Variants in NSUN2 observed in about 807,000 individuals in gnomAD.
The protein encoded by NSUN2 is RNA cytosine C(5)-methyltransferase NSUN2.
Under a neutral mutation model 92.7 loss-of-function variants are expected in NSUN2, and 63 were observed. That is an observed-to-expected ratio of 0.68 (90% CI 0.56 to 0.84). The LOEUF is 0.84. NSUN2 is among the 40% of genes least tolerant of loss of function. NSUN2 has a pLI of 0.00. For synonymous variants in NSUN2, 356 were observed against 348.3 expected (o/e 1.02, Z -0.25); for missense variants, 989 against 964.9 (o/e 1.02, Z -0.33).
intron 16 of NSUN2, 41 bp downstream of exon 16, chr5:6,604,564 C>A: frequency 6.4e-7 from 1 of 1,558,930 alleles, no homozygotes; most frequent in South Asian, 1.1e-5. Context: ...CTGCTTCAGT[C>A]ATCTGTGGCT....
intron 15 of NSUN2, 186 bp from the exon 16 acceptor site, chr5:6,604,871 A>T: frequency 1.6e-6 from 1 of 617,844 alleles, no homozygotes. Context: ...TTTGGAGGAC[A>T]GTAAAGCAAA....
At position 6,632,655 on chromosome 5, in the gene NSUN2, G is replaced by A; in HGVS notation, c.198C>T (p.Phe66=). 4.3e-6 allele frequency: 7 copies of A among 1,614,164 alleles called. No homozygotes were observed. Among genetic ancestry groups the A allele is most frequent in the Non-Finnish European group, 5.9e-6 (7 of 1,180,036 alleles). Residue 66 remains phenylalanine, a synonymous_variant, in exon 2 of 19, where the codon TTC becomes TTT. Coordinates refer to ENST00000264670, the MANE Select transcript of NSUN2 (RefSeq NM_017755.6). ...GGAGCGGCTCCCTGAGAGCGTCCAT[G>A]AACTGGCCCCACTCGCCCTCGGGCA... ...KIVPEGEWGQ[F]MDALREPLPA... is the part of the protein sequence containing the mutation.
intron 2 of NSUN2, among the ~76,000 whole-genome samples, chr5:6,632,297 C>T (rs1737949078): frequency 6.6e-6 from 1 of 152,108 alleles, no homozygotes; most frequent in Non-Finnish European, 1.5e-5. Context: ...GGGTTTTATG[C>T]ATTCTCTATA....
intron 3 of NSUN2, among the ~76,000 whole-genome samples, chr5:6,630,010 T>C (rs1365760656): frequency 6.6e-5 from 10 of 152,236 alleles, no homozygotes; most frequent in Admixed American, 3.9e-4. Context: ...GAAAATGGAC[T>C]ACTACAGTAT....
At chr5:6,602,734 A>G (rs1334370705) in intron 17 of NSUN2, among the ~76,000 whole-genome samples, 2 of 152,244 alleles carry the variant, frequency 1.3e-5, no homozygotes, top group East Asian at 1.9e-4. Context: ...AAAGCCATTC[A>G]GGGACTTCAA....
intron 10 of NSUN2, 30 bp downstream of exon 10, chr5:6,611,695 T>C (rs1737000180): frequency 2.5e-6 from 4 of 1,603,080 alleles, no homozygotes; most frequent in Admixed American, 1.7e-5. Context: ...CACCTACTCT[T>C]TAGAATGAAA....
intron 17 of NSUN2, 98 bp from the exon 18 acceptor site, chr5:6,602,598 AG>A: frequency 9.0e-7 from 1 of 1,106,562 alleles, no homozygotes. Flanking sequence ...AGTATTCTGA[AG>A]AAAGAAAACA....
At position 6,632,623 on chromosome 5, in the gene NSUN2, G is replaced by A; in HGVS notation, c.230C>T (p.Thr77Ile). ...MDALREPLPA[T>I]LRITGYKSHA... ...CCTTTTGTAACCAGTAATTCTTAAAGTGGCCGGGAGCGGCTCCCTGAGAGC... is the reference window on the plus strand; with the variant it reads ...CCTTTTGTAACCAGTAATTCTTAAAATGGCCGGGAGCGGCTCCCTGAGAGC... Residue 77 changes from threonine (T) to isoleucine (I), a missense_variant, in exon 2 of 19, where the codon ACT (threonine) becomes ATT (isoleucine). Physicochemically the swap from Thr to Ile is moderately conservative, Grantham distance 89. Transcript: ENST00000264670. 1.2e-6 allele frequency: 2 copies of A among 1,614,100 alleles called. No homozygotes were observed. The highest frequency in any genetic ancestry group is 4.5e-5 in the East Asian group (2 of 44,876).
chr5:6,605,831 A>G (rs1736745873), intron 14 of NSUN2, among the ~76,000 whole-genome samples: 1 of 150,522 alleles, frequency 6.6e-6, no homozygotes, highest in Non-Finnish European at 1.5e-5. Context: ...AGTAGCTGTG[A>G]TTATAGGTGC....
chr5:6,632,855 T>C (rs954579180), intron 1 of NSUN2, 29 bp downstream of exon 1: 4 of 1,540,158 alleles, frequency 2.6e-6, no homozygotes, highest in African/African-American at 2.8e-5. Flanking sequence ...GAGGAGCCCC[T>C]GGCCCGCCCG....
At chr5:6,613,328 G>A (rs1737077719) in intron 9 of NSUN2, among the ~76,000 whole-genome samples, 1 of 152,172 alleles carries the variant, frequency 6.6e-6, no homozygotes, top group African/African-American at 2.4e-5. Flanking sequence ...AAGCAATGCA[G>A]TTACTTGAAG....
intron 7 of NSUN2, 28 bp downstream of exon 7, chr5:6,620,078 T>C (rs1737374283): frequency 6.6e-7 from 1 of 1,516,532 alleles, no homozygotes; most frequent in Non-Finnish European, 8.9e-7. Context: ...TTAGTGGATT[T>C]GGGCTTTTTG....
intron 6 of NSUN2, chr5:6,620,595 T>C (rs918688492): frequency 3.7e-5 from 9 of 242,184 alleles, no homozygotes; most frequent in Non-Finnish European, 7.0e-5. Flanking sequence ...AACGATTAAC[T>C]ACAAAAAAAA....
chr5:6,625,474 T>C, intron 4 of NSUN2, 90 bp downstream of exon 4: 1 of 888,140 alleles, frequency 1.1e-6, no homozygotes, highest in Non-Finnish European at 1.8e-6. Flanking sequence ...ACCTACTGCT[T>C]CTAGTGACAA....
intron 7 of NSUN2, among the ~76,000 whole-genome samples, chr5:6,619,410 T>C (rs1286319256): frequency 6.6e-6 from 1 of 152,228 alleles, no homozygotes; most frequent in East Asian, 1.9e-4. Context: ...ATTCTGGTCT[T>C]GACAAACTTA....
intron 9 of NSUN2, among the ~76,000 whole-genome samples, chr5:6,613,963 G>A (rs1737102752): frequency 6.6e-6 from 1 of 151,936 alleles, no homozygotes; most frequent in Non-Finnish European, 1.5e-5. Flanking sequence ...TGGGCGTGGT[G>A]GCACATGCCT....
intron 17 of NSUN2, 158 bp downstream of exon 17, chr5:6,603,980 G>A (rs1736656600): frequency 1.5e-6 from 1 of 670,594 alleles, no homozygotes; most frequent in South Asian, 1.9e-5. Context: ...ATTCTGAACT[G>A]TCAATCAGGG....
intron 9 of NSUN2, 139 bp from the exon 10 acceptor site, chr5:6,611,937 C>T (rs1440823371): frequency 1.4e-6 from 1 of 727,388 alleles, no homozygotes; most frequent in Non-Finnish European, 2.3e-6. Context: ...AACCCGTCGA[C>T]AGAAAGTGGA....
In NSUN2 at chr5:6,616,788, C is replaced by G; in HGVS notation, c.960G>C (p.Thr320=). ...CATCCTCAATAGGGTTTAGTGAACA[C>G]GTGGAATACACCATCCTTCCACCTT... The part of the protein sequence containing the change: ...LAEGGRMVYS[T]CSLNPIEDEA... The change falls in exon 9 of 19, where the codon ACG becomes ACC. Residue 320 remains threonine (T), a synonymous_variant. Coordinates refer to ENST00000264670, the MANE Select transcript of NSUN2 (RefSeq NM_017755.6). 1 of 1,589,876 alleles carries G rather than the reference C, an allele frequency of 6.3e-7. No homozygotes were observed. The highest frequency in any genetic ancestry group is 8.5e-7 in the Non-Finnish European group (1 of 1,169,772).
Sources: allele counts gnomAD v4.1 joint callset (sites outside exome capture counted in the v4.1 genomes callset), GRCh38; gene constraint gnomAD v4.1.1; transcripts MANE v1.5; gene names NCBI Gene and HGNC (gene_info 2026-07-23, HGNC 2026-07-21).